The following DLG2 variants were observed in gnomAD, a reference collection of about 807,000 sequenced individuals.
DLG2 encodes disks large homolog 2.
A neutral mutation model predicts 132.5 loss-of-function variants in DLG2; 45 were observed. That is an observed-to-expected ratio of 0.34 (90% confidence interval 0.27 to 0.44). The LOEUF (loss-of-function observed/expected upper bound fraction) is 0.44, where lower values mean the gene tolerates loss of function less well. Among genes scored for constraint, DLG2 ranks in the 20% least tolerant of loss-of-function variants. The pLI is 1.00. For synonymous variants in DLG2, 424 were observed against 419.6 expected (o/e 1.01, Z -0.13); for missense variants, 1,045 against 1,196.9 (o/e 0.87, Z 1.87).
intron 3 of DLG2, among the ~76,000 whole-genome samples, chr11:85,510,400 CA>C (rs755587986): frequency 1.3e-4 from 19 of 152,000 alleles, no homozygotes; most frequent in African/African-American, 4.1e-4. Context: ...AGCTTCTGCA[CA>C]GCAAAAGAAA....
At chr11:83,674,541 T>C (rs566536075) in intron 18 of DLG2, among the ~76,000 whole-genome samples, 1 of 152,372 alleles carries the variant, frequency 6.6e-6, no homozygotes, top group African/African-American at 2.4e-5. Context: ...ATATGACATA[T>C]GTGCTTTTAA....
chr11:85,272,169 TGGTTTTATAAAGG>T (rs1047056129), intron 4 of DLG2, among the ~76,000 whole-genome samples: 19 of 152,124 alleles, frequency 1.2e-4, no homozygotes, highest in African/African-American at 4.6e-4. Flanking sequence ...CAAGACTTGA[TGGTTTTATAAAGG>T]GGAGTTTCCC....
intron 7 of DLG2, among the ~76,000 whole-genome samples, chr11:84,432,402 T>G (rs1038860471): frequency 1.3e-5 from 2 of 152,222 alleles, no homozygotes; most frequent in African/African-American, 4.8e-5. Flanking sequence ...ATTAATGGTT[T>G]GAACACTGTC....
intron 8 of DLG2, among the ~76,000 whole-genome samples, chr11:84,238,822 C>T (rs2097191664): frequency 6.6e-6 from 1 of 152,052 alleles, no homozygotes; most frequent in Non-Finnish European, 1.5e-5. Flanking sequence ...CACTGTCTTC[C>T]CTGTCATCAT....
intron 2 of DLG2, among the ~76,000 whole-genome samples, chr11:85,625,647 T>G (rs1257776175): frequency 6.6e-6 from 1 of 152,216 alleles, no homozygotes; most frequent in Non-Finnish European, 1.5e-5. Context: ...TAACCTGCAA[T>G]TCACCCAGAG....
chr11:84,808,564 C>T (rs948312683), intron 6 of DLG2, among the ~76,000 whole-genome samples: 1 of 151,872 alleles, frequency 6.6e-6, no homozygotes. Context: ...TAACAAACCT[C>T]TAGCAAGACT....
intron 3 of DLG2, among the ~76,000 whole-genome samples, chr11:85,414,329 T>C (rs1032708469): frequency 5.3e-5 from 8 of 152,006 alleles, no homozygotes; most frequent in African/African-American, 1.9e-4. Flanking sequence ...AAGTAAACAA[T>C]CACATCATCA....
At chr11:85,078,165 T>C (rs1382418772) in intron 6 of DLG2, among the ~76,000 whole-genome samples, 1 of 149,522 alleles carries the variant, frequency 6.7e-6, no homozygotes, top group Non-Finnish European at 1.5e-5. Context: ...TAAAGCCTAC[T>C]CTATTGGGGG....
At chr11:83,462,880 CT>C (rs1291704126) in intron 26 of DLG2, among the ~76,000 whole-genome samples, 1 of 152,056 alleles carries the variant, frequency 6.6e-6, no homozygotes, top group Non-Finnish European at 1.5e-5. Context: ...CTTGAATTCT[CT>C]CTAAAACCTA....
chr11:85,157,114 C>CCA (rs1186905025), intron 4 of DLG2, among the ~76,000 whole-genome samples: 1 of 152,130 alleles, frequency 6.6e-6, no homozygotes, highest in Admixed American at 6.5e-5. Flanking sequence ...GCCTAGCCTC[C>CCA]CAGCCTACAT....
intron 3 of DLG2, among the ~76,000 whole-genome samples, chr11:85,501,208 C>T (rs1597997372): frequency 6.6e-6 from 1 of 152,160 alleles, no homozygotes; most frequent in South Asian, 2.1e-4. Context: ...GGAAAACTGG[C>T]TAGCCATATG....
intron 3 of DLG2, among the ~76,000 whole-genome samples, chr11:85,542,937 G>A (rs764811980): frequency 6.6e-6 from 1 of 152,134 alleles, no homozygotes; most frequent in Non-Finnish European, 1.5e-5. Context: ...ACATCAAAAT[G>A]TTACTATTTC....
chr11:84,751,239 T>C (rs766152856), intron 6 of DLG2, among the ~76,000 whole-genome samples: 3 of 152,108 alleles, frequency 2.0e-5, no homozygotes, highest in Non-Finnish European at 4.4e-5. Context: ...ATTAATTAAG[T>C]GACTGGATCA....
At chr11:83,603,399 T>A (rs1279077250) in intron 19 of DLG2, among the ~76,000 whole-genome samples, 4 of 152,204 alleles carry the variant, frequency 2.6e-5, no homozygotes, top group Admixed American at 2.6e-4. Context: ...ATTCATTGTA[T>A]AAATATAACT....
At chr11:83,991,536 TTTTTTCTCTCTC>T (rs1303925255) in intron 11 of DLG2, among the ~76,000 whole-genome samples, 1 of 152,120 alleles carries the variant, frequency 6.6e-6, no homozygotes, top group Non-Finnish European at 1.5e-5. Flanking sequence ...TCTTTTTTCT[TTTTTTCTCTCTC>T]TCTCTCTAGA....
chr11:83,571,202 T>C (rs1028006165), intron 19 of DLG2, among the ~76,000 whole-genome samples: 2 of 150,580 alleles, frequency 1.3e-5, no homozygotes, highest in African/African-American at 5.0e-5. Flanking sequence ...TTTAAATAAA[T>C]ATGGGTTTTT....
chr11:84,933,421 A>G (rs2048329708), intron 6 of DLG2, among the ~76,000 whole-genome samples: 1 of 152,188 alleles, frequency 6.6e-6, no homozygotes, highest in Admixed American at 6.6e-5. Flanking sequence ...ATGGTAGTTA[A>G]TAAGAATAGC....
intron 4 of DLG2, among the ~76,000 whole-genome samples, chr11:85,158,870 A>T (rs2077807332): frequency 6.6e-6 from 1 of 152,154 alleles, no homozygotes; most frequent in Non-Finnish European, 1.5e-5. Context: ...CAAGCAGAAA[A>T]CTTCTAGGTC....
At chr11:84,772,711 A>G (rs893201924) in intron 6 of DLG2, among the ~76,000 whole-genome samples, 1 of 152,214 alleles carries the variant, frequency 6.6e-6, no homozygotes, top group Non-Finnish European at 1.5e-5. Flanking sequence ...TTGAATAATG[A>G]AATTAAGGCA....
Sources: allele counts gnomAD v4.1 joint callset (sites outside exome capture counted in the v4.1 genomes callset), GRCh38; gene constraint gnomAD v4.1.1; transcripts MANE v1.5; gene names NCBI Gene and HGNC (gene_info 2026-07-23, HGNC 2026-07-21).